The following TDP2 variants were observed in gnomAD, a reference collection of about 807,000 sequenced individuals.
TDP2 encodes the protein 5'-Tyr-DNA phosphodiesterase.
In TDP2, 38 loss-of-function variants were observed where a neutral mutation model predicts 42.8. The observed-to-expected ratio is 0.89, with a 90% CI of 0.68 to 1.16. The LOEUF (loss-of-function observed/expected upper bound fraction) is 1.16. Ranked by LOEUF, TDP2 falls within the 50% of genes most tolerant of loss-of-function variation. TDP2 has a pLI of 0.00. For missense variants in TDP2, 439 were observed against 439.3 expected, an observed-to-expected ratio of 1.00 and a Z score of 0.01; for synonymous variants, 173 against 150.6, an observed-to-expected ratio of 1.15 and a Z score of -1.09.
At chr6:24,665,127 T>C (rs1177773493) in intron 2 of TDP2, among the ~76,000 whole-genome samples, 2 of 152,300 alleles carry the variant, frequency 1.3e-5, no homozygotes, top group Admixed American at 1.3e-4. Flanking sequence ...AGTTAAGGGC[T>C]TTCTCTCAAT....
At chr6:24,662,927 T>C (rs542925578) in intron 2 of TDP2, among the ~76,000 whole-genome samples, 69 of 152,364 alleles carry the variant, frequency 4.5e-4, no homozygotes, top group African/African-American at 1.5e-3. Flanking sequence ...GTTTCATAGC[T>C]GAATTTAAAA....
At chr6:24,653,360 AC>A (rs1778003787) in intron 5 of TDP2, among the ~76,000 whole-genome samples, 1 of 151,938 alleles carries the variant, frequency 6.6e-6, no homozygotes, top group South Asian at 2.1e-4. Flanking sequence ...AGCACGACCT[AC>A]CCCCAGATGT....
chr6:24,658,656 A>G lies in TDP2; in HGVS notation c.330T>C (p.Asn110=), dbSNP rs1562148794. The change falls in exon 3 of 7, where the codon AAT becomes AAC. Residue 110 remains asparagine, a synonymous_variant. Coordinates refer to ENST00000378198, the MANE Select transcript of TDP2 (RefSeq NM_016614.3). ...ISPSEDTQQE[N]GSMFSLITWN... is the part of the protein sequence containing the mutation. ...AGGTAATGAGAGAGAACATGCTGCC[A>G]TTTTCTTGCTGAGTATCTTCAGATG... The G allele has an allele frequency of 1.2e-6, 2 of 1,613,834 alleles. No individual in the cohort carries two copies. The highest frequency in any genetic ancestry group is 2.2e-5 in the East Asian group (1 of 44,892).
At chr6:24,663,128 T>C (rs1321635953) in intron 2 of TDP2, among the ~76,000 whole-genome samples, 2 of 152,158 alleles carry the variant, frequency 1.3e-5, no homozygotes, top group South Asian at 2.1e-4. Flanking sequence ...GAGAGCATGA[T>C]GGTGTCATTA....
rs759422172 is a variant in TDP2 at position 24,654,517 on chromosome 6, T to C, written c.531A>G (p.Gly177=). The change falls in exon 5 of 7, where the codon GGA becomes GGG. Residue 177 remains glycine (G), a synonymous_variant. Coordinates refer to ENST00000378198, the MANE Select transcript of TDP2 (RefSeq NM_016614.3). Reference sequence around the variant, plus strand: ...TCTTCAACATTATAGCTGTGAAATATCCTTCTTCATGACCTACAAATGTTT... The same window carrying C: ...TCTTCAACATTATAGCTGTGAAATACCCTTCTTCATGACCTACAAATGTTT... ...NYEIITGHEE[G]YFTAIMLKKS... The C allele has an allele frequency of 6.6e-7, 1 of 1,517,084 alleles. No individual in the cohort carries two copies. Among genetic ancestry groups the C allele is most frequent in the Non-Finnish European group, 9.1e-7 (1 of 1,101,840 alleles). 94.0% of individuals were successfully genotyped at this position (1,517,084 alleles called of 1,614,324 possible).
In TDP2 at chr6:24,650,756, A is replaced by C. The variant is rs17249973; in HGVS notation, c.*32T>G. 1.8e-3 allele frequency: 2,899 copies of C among 1,600,250 alleles called. 46 individuals carry two copies. The African/African-American group carries it at 0.034, about 19-fold the overall frequency. On this transcript the variant is annotated 3_prime_UTR_variant, in exon 7 of 7. Coordinates refer to ENST00000378198, the MANE Select transcript of TDP2 (RefSeq NM_016614.3). ...AGAAGGTGGAAATTGTATTTGCAAC[A>C]ATCAGGGCAAAACCCACACTTGAAA...
chr6:24,660,962 A>G (rs1183790032), intron 2 of TDP2, among the ~76,000 whole-genome samples: 3 of 152,348 alleles, frequency 2.0e-5, no homozygotes, highest in African/African-American at 7.2e-5. Context: ...CATATCAAGC[A>G]TCTGATATGG....
rs753545235 is a variant in TDP2, at chr6:24,666,793, T to C, written c.70A>G (p.Lys24Glu). The C allele has an allele frequency of 7.4e-6, 12 of 1,614,196 alleles. No homozygotes were observed. The highest frequency in any genetic ancestry group is 7.6e-6 in the Non-Finnish European group (9 of 1,180,028). The change falls in exon 1 of 7, where the codon AAG (lysine) becomes GAG (glutamate). Residue 24 changes from lysine to glutamate, a missense_variant. By Grantham distance (56) the Lys-to-Glu change is moderately conservative. Transcript: ENST00000378198. ...AEEEGEPEVK[K>E]RRLLCVEFAS... Reference sequence around the variant, plus strand: ...AACTCCACACACAGAAGTCGCCGCTTTTTCACCTCAGGCTCGCCCTCTTCC... The same window carrying C: ...AACTCCACACACAGAAGTCGCCGCTCTTTCACCTCAGGCTCGCCCTCTTCC...
chr6:24,651,915 T>TGTA (rs1719016587), intron 6 of TDP2, among the ~76,000 whole-genome samples: 1 of 152,230 alleles, frequency 6.6e-6, no homozygotes, highest in Non-Finnish European at 1.5e-5. Context: ...TGTACAGTGA[T>TGTA]GTAGCATTAA....
intron 2 of TDP2, among the ~76,000 whole-genome samples, chr6:24,659,595 A>C (rs1211628321): frequency 6.6e-6 from 1 of 152,242 alleles, no homozygotes; most frequent in Non-Finnish European, 1.5e-5. Flanking sequence ...ATAATTGTAT[A>C]AACTATGATC....
At chr6:24,662,950 T>C (rs956319659) in intron 2 of TDP2, among the ~76,000 whole-genome samples, 10 of 152,328 alleles carry the variant, frequency 6.6e-5, no homozygotes, top group African/African-American at 2.4e-4. Context: ...ATATATACTA[T>C]CATAGACAAA....
At chr6:24,657,566 T>C (rs1477895808) in intron 4 of TDP2, among the ~76,000 whole-genome samples, 1 of 152,216 alleles carries the variant, frequency 6.6e-6, no homozygotes, top group Admixed American at 6.5e-5. Context: ...AAAAAGGTGT[T>C]GTTTCTCAAA....
intron 3 of TDP2, among the ~76,000 whole-genome samples, 197 bp downstream of exon 3, chr6:24,658,364 C>T (rs1357345623): frequency 2.6e-5 from 4 of 152,188 alleles, no homozygotes; most frequent in African/African-American, 7.2e-5. Flanking sequence ...TACTAAAAGG[C>T]TTCTAACGAA....
At chr6:24,651,827 TCTGC>T (rs1777980872) in intron 6 of TDP2, among the ~76,000 whole-genome samples, 1 of 152,226 alleles carries the variant, frequency 6.6e-6, no homozygotes, top group Non-Finnish European at 1.5e-5. Context: ...CCTCAAGTGA[TCTGC>T]CCACCTCGGC....
intron 2 of TDP2, among the ~76,000 whole-genome samples, chr6:24,662,994 T>C (rs953317863): frequency 1.3e-5 from 2 of 152,204 alleles, no homozygotes; most frequent in Admixed American, 1.3e-4. Flanking sequence ...CCCTTACCTA[T>C]CCGGCACACA....
chr6:24,666,441 T>C (rs768837139), intron 2 of TDP2, 85 bp downstream of exon 2: 142 of 1,500,084 alleles, frequency 9.5e-5, no homozygotes, highest in Non-Finnish European at 1.3e-4. Context: ...TCCGCCCAGC[T>C]CCACGGCAGG....
chr6:24,664,380 A>G (rs986028291), intron 2 of TDP2, among the ~76,000 whole-genome samples: 2 of 151,308 alleles, frequency 1.3e-5, no homozygotes, highest in Non-Finnish European at 1.5e-5. Context: ...ACTCAAGACT[A>G]ATGAAATTAG....
At position 24,654,559 on chromosome 6, in the gene TDP2, G is replaced by T. The variant is rs751705106; in HGVS notation, c.518-29C>A. On this transcript the variant is annotated intron_variant, in intron 4 of 6. Coordinates refer to ENST00000378198, the MANE Select transcript of TDP2 (RefSeq NM_016614.3). ...CAAATGTTTGTGGAAAAGAATTTAG[G>T]CTGAGAAGGTGAGAGTTATTTTCAG... 6.5e-6 allele frequency: 8 copies of T among 1,226,062 alleles called. No homozygotes were observed. In the East Asian group the frequency reaches 9.5e-5, roughly 15 times the overall value. 75.9% of individuals were successfully genotyped at this position (1,226,062 alleles called of 1,614,324 possible).
chr6:24,654,246 A>C, intron 5 of TDP2, 166 bp downstream of exon 5: 1 of 422,328 alleles, frequency 2.4e-6, no homozygotes, highest in Non-Finnish European at 4.2e-6. Flanking sequence ...TGCATTTAAA[A>C]TTTATGTAAA....
Sources: allele counts gnomAD v4.1 joint callset (sites outside exome capture counted in the v4.1 genomes callset), GRCh38; gene constraint gnomAD v4.1.1; transcripts MANE v1.5; gene names NCBI Gene and HGNC (gene_info 2026-07-23, HGNC 2026-07-21).